Variants in INTS4 observed in about 807,000 individuals in gnomAD.
INTS4 encodes integrator complex subunit 4.
A neutral mutation model predicts 119.5 loss-of-function variants in INTS4; 70 were observed. The ratio of observed to expected loss-of-function variants is 0.59; its 90% confidence interval spans 0.48 to 0.71. The LOEUF (loss-of-function observed/expected upper bound fraction) is 0.71, where lower values mean the gene tolerates loss of function less well. INTS4 is among the 30% of genes least tolerant of loss of function. The probability of loss-of-function intolerance (pLI) is 0.00; values close to 1 mark genes in which losing one functional copy is unlikely to be tolerated. For synonymous variants in INTS4, 316 were observed against 419.6 expected, an observed-to-expected ratio of 0.75 and a Z score of 3.02; for missense variants, 867 against 1,173.2, an observed-to-expected ratio of 0.74 and a Z score of 3.81.
chr11:77,943,230 T>C (rs929557408), intron 8 of INTS4, among the ~76,000 whole-genome samples: 15 of 152,338 alleles, frequency 9.8e-5, no homozygotes, highest in African/African-American at 3.1e-4. Flanking sequence ...TATGCAAATT[T>C]GTGCCCCAAA....
downstream of INTS4, among the ~76,000 whole-genome samples, chr11:77,874,510 T>C (rs1800128041): frequency 6.6e-6 from 1 of 152,126 alleles, no homozygotes; most frequent in South Asian, 2.1e-4. Context: ...GAGACAGAAG[T>C]ATCTGTCAGT....
chr11:77,993,530 T>C (rs1177808146), intron 1 of INTS4, among the ~76,000 whole-genome samples: 1 of 152,210 alleles, frequency 6.6e-6, no homozygotes, highest in Non-Finnish European at 1.5e-5. Flanking sequence ...AACAGAATGT[T>C]GGGAAGAGAG....
Position 77,926,890 on chromosome 11 carries a change from G to A in INTS4, c.1371+1452C>T, listed in dbSNP as rs574272107. 1.6e-4 allele frequency among the ~76,000 whole-genome samples: 24 copies of A among 152,050 alleles called. 1 individual carries two copies. The South Asian group carries it at 4.8e-3, about 30-fold the overall frequency. On this transcript the variant is annotated intron_variant, in intron 11 of 22. Coordinates refer to ENST00000534064, the MANE Select transcript of INTS4 (RefSeq NM_033547.4). Reference sequence around the variant, plus strand: ...GAAAAGAAAAGTCAAGACACCTTGAGGAGCTCACAGTCTTATGAAATAGAG... The same window carrying A: ...GAAAAGAAAAGTCAAGACACCTTGAAGAGCTCACAGTCTTATGAAATAGAG...
At chr11:77,880,469 GAGGGTCA>G (rs1648389112) in intron 22 of INTS4, among the ~76,000 whole-genome samples, 1 of 152,220 alleles carries the variant, frequency 6.6e-6, no homozygotes, top group South Asian at 2.1e-4. Context: ...ATGACAACAT[GAGGGTCA>G]TGCAGCAGCC....
chr11:77,982,535 G>C, intron 2 of INTS4, among the ~76,000 whole-genome samples: 1 of 152,072 alleles, frequency 6.6e-6, no homozygotes, highest in Non-Finnish European at 1.5e-5. Context: ...CCCAGCTGCA[G>C]GGGAGACTGA....
intron 21 of INTS4, among the ~76,000 whole-genome samples, chr11:77,890,399 G>C (rs1485325818): frequency 6.6e-6 from 1 of 152,010 alleles, no homozygotes; most frequent in Non-Finnish European, 1.5e-5. Context: ...GCCAGTGCTT[G>C]CATCCCTGCT....
downstream of INTS4, among the ~76,000 whole-genome samples, chr11:77,875,436 G>A (rs995385330): frequency 1.3e-5 from 2 of 152,148 alleles, no homozygotes; most frequent in Non-Finnish European, 2.9e-5. Flanking sequence ...TAACTTTCAT[G>A]AAAATGAAGA....
At chr11:77,982,180 G>A (rs1856268086) in intron 2 of INTS4, among the ~76,000 whole-genome samples, 1 of 147,756 alleles carries the variant, frequency 6.8e-6, no homozygotes, top group Non-Finnish European at 1.5e-5. Context: ...CTGTCTCCCA[G>A]GTCAGAGTGC....
At chr11:77,948,466 T>G (rs12284929) in intron 8 of INTS4, among the ~76,000 whole-genome samples, 29,068 of 151,450 alleles carry the variant, frequency 0.19, 2,836 homozygotes, top group Middle Eastern at 0.23. Flanking sequence ...GGCCAACATG[T>G]CAAAACCCGT....
chr11:77,966,778 T>C (rs1256514219), intron 4 of INTS4, among the ~76,000 whole-genome samples: 2 of 152,230 alleles, frequency 1.3e-5, no homozygotes, highest in Non-Finnish European at 2.9e-5. Context: ...TGTGGTTTCA[T>C]ACAAACTTTA....
Position 77,958,502 on chromosome 11 carries a change from T to C in INTS4, c.797+244A>G, listed in dbSNP as rs138558629. 5.3e-3 allele frequency among the ~76,000 whole-genome samples: 814 copies of C among 152,332 alleles called. 5 individuals carry two copies. Among genetic ancestry groups the C allele is most frequent in the Middle Eastern group, 0.017 (5 of 294 alleles). Reference sequence around the variant, plus strand: ...AGAAAGATATTCCAATTTCTTCACTTATGGATGAGAAGGTTAGGATAAAAG... The same window carrying C: ...AGAAAGATATTCCAATTTCTTCACTCATGGATGAGAAGGTTAGGATAAAAG... On this transcript the variant is annotated intron_variant, in intron 7 of 22. Coordinates refer to ENST00000534064, the MANE Select transcript of INTS4 (RefSeq NM_033547.4).
chr11:77,889,146 C>T (rs988909306), intron 21 of INTS4, among the ~76,000 whole-genome samples: 2 of 152,138 alleles, frequency 1.3e-5, no homozygotes, highest in Non-Finnish European at 2.9e-5. Flanking sequence ...TGCGGCACCA[C>T]TCACAATAGC....
At chr11:77,894,643 A>T (rs904621110) in intron 18 of INTS4, among the ~76,000 whole-genome samples, 2 of 152,330 alleles carry the variant, frequency 1.3e-5, no homozygotes, top group Middle Eastern at 6.8e-3. Flanking sequence ...GAAGCATAGC[A>T]TGTGGGCAGT....
downstream of INTS4, chr11:77,877,125 G>A (rs969484318): frequency 7.3e-6 from 5 of 680,730 alleles, no homozygotes; most frequent in Admixed American, 4.2e-5. Flanking sequence ...TCATGACCTC[G>A]TGGAAATAGA....
downstream of INTS4, chr11:77,877,105 T>C (rs1289097817): frequency 1.0e-5 from 7 of 695,990 alleles, no homozygotes; most frequent in Non-Finnish European, 1.8e-5. Flanking sequence ...CCCTAGTCCC[T>C]CTTTCGCACT....
Position 77,960,962 on chromosome 11 carries a change from T to C in INTS4, c.648A>G (p.Ile216Met). ...DQDPRVRTAA[I>M]KAMLQLHERG... is the part of the protein sequence containing the mutation. The stretch of plus-strand genomic sequence containing the variant: ...CCATAATCACATTTACCATGGCTTT[T>C]ATAGCTGCTGTTCTGACACGTGGGT... The change falls in exon 5 of 23, where the codon ATA becomes ATG. Residue 216 changes from isoleucine to methionine, a missense_variant. Ile to Met is a conservative substitution (Grantham distance 10). Around this residue, in one of 5 missense-constraint regions of INTS4, gnomAD observed 208 missense variants for 306.6 expected, o/e 0.68. Transcript: ENST00000534064. The C allele has an allele frequency of 1.3e-6, 2 of 1,598,800 alleles. No homozygotes were observed. Among genetic ancestry groups the C allele is most frequent in the Non-Finnish European group, 1.7e-6 (2 of 1,174,274 alleles).
At chr11:77,958,868 T>C (rs1334264121) in intron 6 of INTS4, 34 bp from the exon 7 acceptor site, 4 of 1,308,056 alleles carry the variant, frequency 3.1e-6, no homozygotes, top group Non-Finnish European at 4.4e-6. Context: ...CTATTAGTTC[T>C]GTGTCCTCTC....
At chr11:77,877,606 G>A (rs146182592), downstream of INTS4, among the ~76,000 whole-genome samples, 26 of 152,290 alleles carry the variant, frequency 1.7e-4, no homozygotes, top group African/African-American at 6.3e-4. Flanking sequence ...TCTTGGATTT[G>A]AATGAATACA....
intron 19 of INTS4, among the ~76,000 whole-genome samples, chr11:77,892,095 C>T (rs1952297572): frequency 6.6e-6 from 1 of 152,204 alleles, no homozygotes; most frequent in Non-Finnish European, 1.5e-5. Context: ...ATTTAACTTC[C>T]AGCAATCCTA....
Sources: allele counts gnomAD v4.1 joint callset (sites outside exome capture counted in the v4.1 genomes callset), GRCh38; gene constraint gnomAD v4.1.1; regional missense constraint gnomAD v4.1.1; transcripts MANE v1.5; gene names NCBI Gene and HGNC (gene_info 2026-07-23, HGNC 2026-07-21).